The following AXIN2 variants were observed in gnomAD, a reference collection of about 807,000 sequenced individuals.
The protein encoded by AXIN2 is axin-2.
AXIN2 carries 21 observed loss-of-function variants against 74.7 expected under a neutral mutation model. The observed-to-expected ratio is 0.28, with a 90% CI of 0.20 to 0.40. The LOEUF is 0.40. Ranked by LOEUF, AXIN2 falls within the 10% of genes least tolerant of loss-of-function variation. The pLI, the probability that AXIN2 is intolerant of heterozygous loss-of-function variation, is 1.00. For missense variants in AXIN2, 1,144 were observed against 1,111.1 expected (o/e 1.03, Z -0.42); for synonymous variants, 532 against 454.9 (o/e 1.17, Z -2.16).
chr17:65,537,878 G>A (rs767013703), intron 5 of AXIN2, 43 bp from the exon 6 acceptor site: 2 of 1,505,536 alleles, frequency 1.3e-6, no homozygotes, highest in Admixed American at 2.2e-5. Flanking sequence ...CCAGGAAGCA[G>A]AAGGGCCAGA....
intron 1 of AXIN2, chr17:65,560,967 C>G (rs938610648): frequency 3.4e-5 from 5 of 145,368 alleles, no homozygotes; most frequent in Non-Finnish European, 7.6e-5. Flanking sequence ...GGGAGTCGTG[C>G]GGCGGGGGAG....
At chr17:65,543,775 T>C (rs1304496179) in intron 3 of AXIN2, among the ~76,000 whole-genome samples, 2 of 152,184 alleles carry the variant, frequency 1.3e-5, no homozygotes, top group African/African-American at 4.8e-5. Context: ...CGCAGTCACC[T>C]GACATTGATA....
Position 65,529,899 on chromosome 17 carries a change from T to C in AXIN2, c.*77A>G. On this transcript the variant is annotated 3_prime_UTR_variant, in exon 11 of 11. Transcript: ENST00000307078. ...GGTTTAATTTTCCTTCAAAATGTTT[T>C]GTCGCAGTTGCTCACAGCCAAGACA... 1 of 1,611,170 alleles carries C rather than the reference T, an allele frequency of 6.2e-7. No individual in the cohort carries two copies. The highest frequency in any genetic ancestry group is 2.2e-5 in the East Asian group (1 of 44,820).
At chr17:65,554,233 CCTT>C (rs1320691760) in intron 2 of AXIN2, among the ~76,000 whole-genome samples, 1 of 152,126 alleles carries the variant, frequency 6.6e-6, no homozygotes, top group African/African-American at 2.4e-5. Context: ...GGGTCCTCCT[CCTT>C]CTCCTCCTCT....
chr17:65,549,635 T>A lies in AXIN2; in HGVS notation c.841A>T (p.Asn281Tyr), dbSNP rs747107796. ...TAGCCAGAACCTATGTGATAAGGAT[T>A]AACAGGATCGCTCCTCTTGAAGGAC... The part of the protein sequence containing the change: ...YRSFKRSDPV[N>Y]PYHIGSGYVF... The change falls in exon 3 of 11, where the codon AAT becomes TAT. Residue 281 changes from asparagine to tyrosine, a missense_variant. Transcript: ENST00000307078. 3.1e-6 allele frequency: 5 copies of A among 1,603,176 alleles called. No homozygotes were observed. The highest frequency in any genetic ancestry group is 3.4e-5 in the Admixed American group (2 of 58,536).
chr17:65,538,101 C>A (rs752256472), intron 5 of AXIN2, 102 bp downstream of exon 5: 2 of 1,582,038 alleles, frequency 1.3e-6, no homozygotes, highest in South Asian at 1.1e-5. Flanking sequence ...GCATGCAACC[C>A]ACGCACATGC....
At position 65,537,486 on chromosome 17, in the gene AXIN2, T is replaced by C. The variant is rs769644525; in HGVS notation, c.1550A>G (p.His517Arg). 1.9e-6 allele frequency: 3 copies of C among 1,613,668 alleles called. No homozygotes were observed. Among genetic ancestry groups the C allele is most frequent in the Admixed American group, 1.7e-5 (1 of 60,010 alleles). ...GGGGACGGCATGGTGGTGGATGTAG[T>C]GGTGGTGGACATGCTTCGTCGTCTG... ...TKQTTKHVHH[H>R]YIHHHAVPKT... Residue 517 changes from histidine (H) to arginine (R), a missense_variant, in exon 6 of 11, where the codon CAC becomes CGC. Coordinates refer to ENST00000307078, the MANE Select transcript of AXIN2 (RefSeq NM_004655.4).
At chr17:65,533,678 G>A (rs945497941) in intron 10 of AXIN2, among the ~76,000 whole-genome samples, 2 of 152,178 alleles carry the variant, frequency 1.3e-5, no homozygotes, top group African/African-American at 4.8e-5. Context: ...AAAGAGCCTG[G>A]CCAGGTCCCC....
At chr17:65,549,382 C>T in intron 3 of AXIN2, 138 bp downstream of exon 3, 1 of 1,046,110 alleles carries the variant, frequency 9.6e-7, no homozygotes, top group South Asian at 1.4e-5. Flanking sequence ...TGTCATACTC[C>T]CCTCCCACCA....
At chr17:65,553,367 T>C (rs1014673317) in intron 2 of AXIN2, among the ~76,000 whole-genome samples, 13 of 152,088 alleles carry the variant, frequency 8.5e-5, no homozygotes, top group African/African-American at 3.1e-4. Flanking sequence ...TTAAATAGCA[T>C]TCAAACACTC....
chr17:65,557,645 T>C (rs1053303419), intron 2 of AXIN2, among the ~76,000 whole-genome samples, 161 bp downstream of exon 2: 2 of 151,230 alleles, frequency 1.3e-5, no homozygotes, highest in Admixed American at 6.6e-5. Context: ...GCTTTCCCCC[T>C]GTTTCAACAA....
chr17:65,549,220 T>G (rs1800715870), intron 3 of AXIN2, among the ~76,000 whole-genome samples: 1 of 152,212 alleles, frequency 6.6e-6, no homozygotes, highest in Non-Finnish European at 1.5e-5. Context: ...AGAAGGTTTT[T>G]TAAACTCAAG....
chr17:65,535,152 G>C (rs76969480), intron 9 of AXIN2, among the ~76,000 whole-genome samples: 1,922 of 152,296 alleles, frequency 0.013, 44 homozygotes, highest in African/African-American at 0.044. Flanking sequence ...TAAACGAGCA[G>C]GCTCCTCAAC....
chr17:65,560,936 G>C (rs2044361402), intron 1 of AXIN2: 1 of 147,990 alleles, frequency 6.8e-6, no homozygotes, highest in Non-Finnish European at 1.5e-5. Flanking sequence ...CCCCGGGCCG[G>C]CCGCGGCGTC....
At chr17:65,553,881 A>G (rs2044229930) in intron 2 of AXIN2, among the ~76,000 whole-genome samples, 1 of 150,342 alleles carries the variant, frequency 6.7e-6, no homozygotes, top group South Asian at 2.1e-4. Flanking sequence ...ACCACGCTAC[A>G]GTAATTGTAC....
chr17:65,531,029 C>A (rs2144397847), intron 10 of AXIN2, among the ~76,000 whole-genome samples: 1 of 152,290 alleles, frequency 6.6e-6, no homozygotes, highest in Admixed American at 6.5e-5. Flanking sequence ...TGTCCCCAGC[C>A]AAGGGAGACC....
rs1009574694 is a variant in AXIN2 at position 65,537,844 on chromosome 17, G to A, written c.1201-9C>T. 4 of 1,536,206 alleles carry A rather than the reference G, an allele frequency of 2.6e-6. No individual in the cohort carries two copies. The highest frequency in any genetic ancestry group is 3.5e-4 in the Middle Eastern group (2 of 5,750). On this transcript the variant is annotated splice_polypyrimidine_tract_variant and intron_variant, in intron 5 of 10. Transcript: ENST00000307078. ...CCCTCTCTCTCTTCATCCTGAAAGG[G>A]AAGACGTCAGAAGGAGAAGTGACCC... is the stretch of plus-strand genomic sequence containing the variant.
chr17:65,533,884 G>C, intron 10 of AXIN2, 28 bp downstream of exon 10: 1 of 1,577,470 alleles, frequency 6.3e-7, no homozygotes, highest in Non-Finnish European at 8.6e-7. Context: ...AACAAACTGA[G>C]AGCAGAAAAA....
At position 65,536,997 on chromosome 17, in the gene AXIN2, G is replaced by T; in HGVS notation, c.1779C>A (p.Pro593=). The change falls in exon 7 of 11, where the codon CCC becomes CCA. Residue 593 remains proline (P), a synonymous_variant. Transcript: ENST00000307078. ...GKGTEPGLAL[P]AREGGAPGGA... is the part of the protein sequence containing the mutation. The stretch of plus-strand genomic sequence containing the variant: ...CGCCGGGGGCCCCTCCTTCCCTGGC[G>T]GGCAGGGCCAGGCCCGGCTCCGTGC... The T allele has an allele frequency of 6.2e-7, 1 of 1,612,324 alleles. No homozygotes were observed. The highest frequency in any genetic ancestry group is 2.2e-5 in the East Asian group (1 of 44,854).
Sources: gnomAD v4.1 joint callset for allele counts (sites outside exome capture counted in the v4.1 genomes callset) on GRCh38, gnomAD v4.1.1 for gene constraint, MANE v1.5 for transcripts, NCBI Gene and HGNC (gene_info 2026-07-23, HGNC 2026-07-21) for gene names.